CAMKMT: variants seen among roughly 807,000 people sequenced by gnomAD.
CAMKMT encodes the protein calmodulin-lysine N-methyltransferase.
A neutral mutation model predicts 48.0 loss-of-function variants in CAMKMT; 53 were observed. The observed-to-expected ratio is 1.10, with a 90% CI of 0.89 to 1.39. The LOEUF is 1.39. Ranked by LOEUF, CAMKMT falls within the 40% of genes most tolerant of loss-of-function variation. The probability of loss-of-function intolerance (pLI) is 0.00; values close to 1 mark genes in which losing one functional copy is unlikely to be tolerated. For missense variants in CAMKMT, 428 were observed against 402.7 expected, an observed-to-expected ratio of 1.06 and a Z score of -0.54; for synonymous variants, 165 against 152.3, an observed-to-expected ratio of 1.08 and a Z score of -0.61.
At chr2:44,424,600 C>A (rs944748162) in intron 3 of CAMKMT, among the ~76,000 whole-genome samples, 13 of 152,114 alleles carry the variant, frequency 8.5e-5, no homozygotes, top group African/African-American at 3.1e-4. Flanking sequence ...TAAAAAGGAA[C>A]GAATTAATGG....
At chr2:44,508,056 C>G (rs920788810) in intron 3 of CAMKMT, among the ~76,000 whole-genome samples, 2 of 152,104 alleles carry the variant, frequency 1.3e-5, no homozygotes, top group African/African-American at 2.4e-5. Context: ...AAAGTAAAAA[C>G]GTTGTGGTAA....
At chr2:44,624,775 G>T (rs554767619) in intron 3 of CAMKMT, among the ~76,000 whole-genome samples, 5 of 152,014 alleles carry the variant, frequency 3.3e-5, no homozygotes, top group African/African-American at 9.7e-5. Context: ...GAATAGTGCC[G>T]CAATAAATAT....
intron 3 of CAMKMT, among the ~76,000 whole-genome samples, chr2:44,524,447 A>T (rs1305915717): frequency 6.6e-6 from 1 of 151,844 alleles, no homozygotes; most frequent in Non-Finnish European, 1.5e-5. Flanking sequence ...ATTGTTTTCC[A>T]TTTTGCTAAT....
chr2:44,635,696 G>A (rs926469275), intron 3 of CAMKMT, among the ~76,000 whole-genome samples: 4 of 152,212 alleles, frequency 2.6e-5, no homozygotes, highest in Admixed American at 6.5e-5. Flanking sequence ...AAAAGCATAG[G>A]AGAAGCTGGG....
chr2:44,638,059 CAA>C (rs1004353493), intron 3 of CAMKMT, among the ~76,000 whole-genome samples: 3 of 58,580 alleles, frequency 5.1e-5, no homozygotes, highest in Non-Finnish European at 9.5e-5. Context: ...CATCTCAAAC[CAA>C]AAAAAAAAAA....
chr2:44,697,758 T>C (rs1309348640), intron 3 of CAMKMT, among the ~76,000 whole-genome samples: 1 of 152,136 alleles, frequency 6.6e-6, no homozygotes, highest in African/African-American at 2.4e-5. Context: ...ACATATGTGA[T>C]GTGGGAAGAG....
intron 3 of CAMKMT, among the ~76,000 whole-genome samples, chr2:44,415,227 G>C (rs1157436777): frequency 6.6e-6 from 1 of 152,170 alleles, no homozygotes; most frequent in Non-Finnish European, 1.5e-5. Context: ...TGTTAGGCCT[G>C]GTATGTACAA....
At chr2:44,751,587 C>T (rs530696861) in intron 8 of CAMKMT, among the ~76,000 whole-genome samples, 3 of 152,300 alleles carry the variant, frequency 2.0e-5, no homozygotes, top group South Asian at 2.1e-4. Context: ...GTTATTAAGA[C>T]GTGTGTGTCT....
intron 1 of CAMKMT, chr2:44,369,754 C>T (rs1678969785): frequency 6.6e-6 from 1 of 152,166 alleles, no homozygotes; most frequent in Admixed American, 6.5e-5. Flanking sequence ...CACTTGTGCT[C>T]CCTCTCACTC....
At chr2:44,577,679 C>CGG in intron 3 of CAMKMT, among the ~76,000 whole-genome samples, 1 of 74,196 alleles carries the variant, frequency 1.3e-5, no homozygotes, top group Non-Finnish European at 3.0e-5. Flanking sequence ...GAGAGGGAGA[C>CGG]AGAGAGGGAG....
chr2:44,592,081 G>A (rs1276259214), intron 3 of CAMKMT, among the ~76,000 whole-genome samples: 1 of 151,386 alleles, frequency 6.6e-6, no homozygotes, highest in African/African-American at 2.4e-5. Context: ...GGGGAAGGGG[G>A]AGGGATAGCA....
At chr2:44,665,259 C>T (rs567308243) in intron 3 of CAMKMT, among the ~76,000 whole-genome samples, 5 of 151,934 alleles carry the variant, frequency 3.3e-5, no homozygotes, top group Non-Finnish European at 5.9e-5. Flanking sequence ...TTGGTAGAGA[C>T]GGGGTTTCAC....
intron 7 of CAMKMT, among the ~76,000 whole-genome samples, chr2:44,730,068 G>A (rs748869054): frequency 1.3e-5 from 2 of 152,132 alleles, no homozygotes; most frequent in Admixed American, 1.3e-4. Flanking sequence ...TTAGACAAGA[G>A]GAAAGGAGAA....
intron 3 of CAMKMT, among the ~76,000 whole-genome samples, chr2:44,493,209 T>C (rs181722550): frequency 6.6e-5 from 10 of 152,250 alleles, no homozygotes; most frequent in Admixed American, 2.0e-4. Context: ...TATTTTGCTC[T>C]ATTAAGCACT....
intron 5 of CAMKMT, 149 bp downstream of exon 5, chr2:44,706,490 C>G: frequency 1.5e-6 from 1 of 689,372 alleles, no homozygotes; most frequent in South Asian, 1.7e-5. Context: ...GATTGACTTA[C>G]TTTCGGATCA....
chr2:44,591,904 T>C (rs1023748416), intron 3 of CAMKMT, among the ~76,000 whole-genome samples: 3 of 152,132 alleles, frequency 2.0e-5, no homozygotes, highest in Non-Finnish European at 2.9e-5. Context: ...TGAGTTCATG[T>C]CCTTTGTAGG....
intron 3 of CAMKMT, among the ~76,000 whole-genome samples, chr2:44,429,657 C>G (rs182538522): frequency 2.7e-4 from 41 of 151,560 alleles, no homozygotes; most frequent in Non-Finnish European, 5.2e-4. Flanking sequence ...AAAAATTAGC[C>G]GGGCGCGGTG....
intron 3 of CAMKMT, among the ~76,000 whole-genome samples, chr2:44,461,883 C>T (rs992101467): frequency 9.9e-5 from 15 of 152,152 alleles, no homozygotes; most frequent in African/African-American, 3.4e-4. Flanking sequence ...TATAGCCTAT[C>T]TACCCTAGGT....
At chr2:44,433,163 T>A (rs1206279646) in intron 3 of CAMKMT, among the ~76,000 whole-genome samples, 2 of 152,188 alleles carry the variant, frequency 1.3e-5, no homozygotes, top group African/African-American at 4.8e-5. Context: ...TAGTTCAAGT[T>A]AAAATAGTTG....
Sources: gnomAD v4.1 joint callset for allele counts (sites outside exome capture counted in the v4.1 genomes callset) on GRCh38, gnomAD v4.1.1 for gene constraint, MANE v1.5 for transcripts, NCBI Gene and HGNC (gene_info 2026-07-23, HGNC 2026-07-21) for gene names.